EYS: variants seen among roughly 807,000 people sequenced by gnomAD.
The protein encoded by EYS is protein eyes shut homolog.
A neutral mutation model predicts 282.1 loss-of-function variants in EYS; 250 were observed. The observed-to-expected ratio is 0.89, with a 90% CI of 0.80 to 0.98. EYS has a LOEUF of 0.98. EYS is among the 50% of genes least tolerant of loss of function. EYS has a pLI of 0.00. For missense variants in EYS, 4,016 were observed against 3,709.0 expected, an observed-to-expected ratio of 1.08 and a Z score of -2.15; for synonymous variants, 1,355 against 1,282.9, an observed-to-expected ratio of 1.06 and a Z score of -1.20.
At chr6:64,955,775 A>G (rs1008666785) in intron 14 of EYS, among the ~76,000 whole-genome samples, 3 of 152,186 alleles carry the variant, frequency 2.0e-5, no homozygotes, top group African/African-American at 7.2e-5. Context: ...TACTCCTCCT[A>G]TTAAGGCAGA....
At chr6:64,956,999 A>C (rs1380836481) in intron 14 of EYS, among the ~76,000 whole-genome samples, 1 of 152,188 alleles carries the variant, frequency 6.6e-6, no homozygotes, top group East Asian at 1.9e-4. Context: ...TACAGTCACT[A>C]TGGAAAACAA....
intron 22 of EYS, among the ~76,000 whole-genome samples, chr6:64,659,086 C>A (rs1317998672): frequency 1.3e-5 from 2 of 151,974 alleles, no homozygotes; most frequent in African/African-American, 4.8e-5. Flanking sequence ...GAAACTCACT[C>A]AAAACCGCTC....
intron 31 of EYS, among the ~76,000 whole-genome samples, chr6:64,134,221 A>G (rs1462845696): frequency 6.6e-6 from 1 of 152,090 alleles, no homozygotes; most frequent in African/African-American, 2.4e-5. Context: ...GTTTTAAGCC[A>G]AGGAATGATA....
chr6:65,628,631 G>A (rs892226733), intron 2 of EYS, among the ~76,000 whole-genome samples: 5 of 151,964 alleles, frequency 3.3e-5, no homozygotes, highest in African/African-American at 7.2e-5. Flanking sequence ...CGGGAGGAAC[G>A]AACAACTCCA....
intron 30 of EYS, among the ~76,000 whole-genome samples, chr6:64,292,666 G>A (rs1482596328): frequency 4.7e-5 from 7 of 148,530 alleles, no homozygotes; most frequent in Non-Finnish European, 1.0e-4. Flanking sequence ...CCTCTTCTTT[G>A]TGACCCCTCC....
chr6:65,615,252 G>T (rs1222568416), intron 2 of EYS, among the ~76,000 whole-genome samples: 1 of 151,936 alleles, frequency 6.6e-6, no homozygotes, highest in Non-Finnish European at 1.5e-5. Flanking sequence ...AGGGTACTTT[G>T]CAGTTTTCAT....
At chr6:65,519,419 T>C (rs1767264169) in intron 2 of EYS, among the ~76,000 whole-genome samples, 1 of 151,438 alleles carries the variant, frequency 6.6e-6, no homozygotes, top group Admixed American at 6.6e-5. Context: ...GTAAGAGTTA[T>C]GATTTTACCT....
At chr6:64,087,919 T>TA (rs1772212924) in intron 31 of EYS, among the ~76,000 whole-genome samples, 1 of 152,090 alleles carries the variant, frequency 6.6e-6, no homozygotes, top group Non-Finnish European at 1.5e-5. Flanking sequence ...TTCAATTTGC[T>TA]AAAAAATGAC....
At chr6:65,255,000 G>T (rs753422123) in intron 12 of EYS, among the ~76,000 whole-genome samples, 2 of 151,754 alleles carry the variant, frequency 1.3e-5, no homozygotes, top group Non-Finnish European at 2.9e-5. Flanking sequence ...AAATACCAGT[G>T]ATATTTTTCA....
intron 19 of EYS, among the ~76,000 whole-genome samples, chr6:64,877,494 C>T (rs9360097): frequency 0.15 from 23,548 of 152,000 alleles, 2,146 homozygotes; most frequent in East Asian, 0.49. Flanking sequence ...AACAATTATG[C>T]GATCCACTAA....
chr6:64,675,835 T>C (rs1769641695), intron 22 of EYS, among the ~76,000 whole-genome samples: 1 of 151,762 alleles, frequency 6.6e-6, no homozygotes, highest in Admixed American at 6.6e-5. Flanking sequence ...AGAAAGTTAC[T>C]TAACTACTTA....
chr6:63,759,714 G>A (rs928625214), intron 41 of EYS, among the ~76,000 whole-genome samples: 1 of 152,062 alleles, frequency 6.6e-6, no homozygotes, highest in Non-Finnish European at 1.5e-5. Context: ...CATGTGCATT[G>A]CTTGCTGTGT....
chr6:65,433,581 T>A (rs1010930187), intron 5 of EYS, among the ~76,000 whole-genome samples: 2 of 152,198 alleles, frequency 1.3e-5, no homozygotes, highest in East Asian at 3.9e-4. Context: ...CAGCCAAGTT[T>A]AGTGGCTGTG....
At chr6:65,039,870 A>G (rs1772879844) in intron 13 of EYS, among the ~76,000 whole-genome samples, 1 of 151,636 alleles carries the variant, frequency 6.6e-6, no homozygotes, top group South Asian at 2.1e-4. Context: ...AAGTAAATGG[A>G]TAAATAGACA....
At chr6:63,726,212 T>C (rs1343777438) in intron 42 of EYS, among the ~76,000 whole-genome samples, 1 of 152,156 alleles carries the variant, frequency 6.6e-6, no homozygotes, top group Non-Finnish European at 1.5e-5. Context: ...ATCTTTTATA[T>C]GCATATTTTG....
Position 65,506,278 on chromosome 6 carries a change from C to A in EYS, c.-332-10285G>T, listed in dbSNP as rs186007841. ...GGTCTTGTTTATTTGTTTTTCTCCA[C>A]TCTGATAAGCAATTTTTTTGTAACT... is the stretch of plus-strand genomic sequence containing the variant. On this transcript the variant is annotated intron_variant, in intron 2 of 42. Coordinates refer to ENST00000503581, the MANE Select transcript of EYS (RefSeq NM_001142800.2). 8.7e-4 allele frequency among the ~76,000 whole-genome samples: 132 copies of A among 151,998 alleles called. 2 individuals carry two copies. The highest frequency in any genetic ancestry group is 9.7e-4 in the Non-Finnish European group (66 of 67,948).
chr6:65,542,935 C>T (rs2127323163), intron 2 of EYS, among the ~76,000 whole-genome samples: 1 of 152,320 alleles, frequency 6.6e-6, no homozygotes, highest in East Asian at 1.9e-4. Flanking sequence ...TCTCTCTTCT[C>T]TGAACTAATT....
At chr6:64,516,287 C>A (rs1226174401) in intron 26 of EYS, among the ~76,000 whole-genome samples, 1 of 151,306 alleles carries the variant, frequency 6.6e-6, no homozygotes, top group Non-Finnish European at 1.5e-5. Context: ...ACACACTGGA[C>A]CTTTTTTGGA....
chr6:64,650,382 T>A, intron 22 of EYS, among the ~76,000 whole-genome samples: 1 of 152,000 alleles, frequency 6.6e-6, no homozygotes, highest in Non-Finnish European at 1.5e-5. Flanking sequence ...GTTGTTGTAT[T>A]TATCCCTTGA....
Sources: gnomAD v4.1 joint callset for allele counts (sites outside exome capture counted in the v4.1 genomes callset) on GRCh38, gnomAD v4.1.1 for gene constraint, MANE v1.5 for transcripts, NCBI Gene and HGNC (gene_info 2026-07-23, HGNC 2026-07-21) for gene names.